NRXN3: variants seen among roughly 807,000 people sequenced by gnomAD.
The protein encoded by NRXN3 is neurexin 3, also known as neurexin III.
A neutral mutation model predicts 137.6 loss-of-function variants in NRXN3; 32 were observed. The ratio of observed to expected loss-of-function variants is 0.23; its 90% CI spans 0.18 to 0.31. The LOEUF is 0.31. NRXN3 is among the 10% of genes least tolerant of loss of function. The pLI is 1.00. For synonymous variants in NRXN3, 798 were observed against 784.5 expected (o/e 1.02, Z -0.29); for missense variants, 1,574 against 2,062.5 (o/e 0.76, Z 4.59).
chr14:78,833,245 A>G (rs1224138684), intron 10 of NRXN3, among the ~76,000 whole-genome samples: 2 of 152,100 alleles, frequency 1.3e-5, no homozygotes, highest in African/African-American at 4.8e-5. Context: ...ACTTTTCACT[A>G]TTGCTTAAGA....
chr14:79,235,942 A>G (rs2073279928), intron 15 of NRXN3, among the ~76,000 whole-genome samples: 1 of 152,146 alleles, frequency 6.6e-6, no homozygotes, highest in Non-Finnish European at 1.5e-5. Context: ...TTGATTCTGT[A>G]GAGAATTAAC....
chr14:79,724,295 A>AT (rs2098866016), intron 19 of NRXN3, among the ~76,000 whole-genome samples: 2 of 152,158 alleles, frequency 1.3e-5, no homozygotes, highest in Non-Finnish European at 2.9e-5. Flanking sequence ...ACTGTGCTAC[A>AT]TTTTTAGTGG....
chr14:79,808,270 A>G (rs1054030389), intron 20 of NRXN3, among the ~76,000 whole-genome samples: 4 of 144,858 alleles, frequency 2.8e-5, no homozygotes, highest in Non-Finnish European at 4.5e-5. Context: ...ATATATATAT[A>G]TATATGTATG....
chr14:78,961,576 C>T (rs1031067310), intron 11 of NRXN3, among the ~76,000 whole-genome samples: 7 of 152,300 alleles, frequency 4.6e-5, no homozygotes, highest in Admixed American at 6.5e-5. Flanking sequence ...TAATAGCGCA[C>T]GGTTTAAGCC....
chr14:78,504,885 C>T (rs1346097825), intron 4 of NRXN3, among the ~76,000 whole-genome samples: 3 of 152,132 alleles, frequency 2.0e-5, no homozygotes, highest in Non-Finnish European at 4.4e-5. Context: ...GCCCGACTTA[C>T]TAGGCCATTC....
chr14:79,346,082 A>G (rs2092863028), intron 15 of NRXN3, among the ~76,000 whole-genome samples: 1 of 152,084 alleles, frequency 6.6e-6, no homozygotes, highest in Admixed American at 6.5e-5. Context: ...TTTTCCTTGT[A>G]CTGGTTTATC....
intron 4 of NRXN3, among the ~76,000 whole-genome samples, chr14:78,456,795 T>TTCTCTCTC: frequency 6.8e-6 from 1 of 147,322 alleles, no homozygotes; most frequent in Non-Finnish European, 1.5e-5. Flanking sequence ...CTCTCTCTCT[T>TTCTCTCTC]TCTCTCTTTC....
Position 79,632,033 on chromosome 14 carries a change from C to G in NRXN3, c.3445-31745C>G, listed in dbSNP as rs556115137. ...GGCCACCTGAGCCAGCAGCGGCATC[C>G]TGGTGGGTCTCCTTCCACACTGTGG... On this transcript the variant is annotated intron_variant, in intron 16 of 20. Transcript: ENST00000335750. Among the ~76,000 whole-genome samples the G allele has an allele frequency of 3.9e-5, 6 of 152,260 alleles. No homozygotes were observed. In the East Asian group the frequency reaches 1.2e-3, roughly 30 times the overall value.
intron 4 of NRXN3, among the ~76,000 whole-genome samples, chr14:78,306,787 G>A (rs980806773): frequency 6.6e-6 from 1 of 152,062 alleles, no homozygotes; most frequent in Non-Finnish European, 1.5e-5. Context: ...TGCTTATTTG[G>A]CATTCAACAA....
intron 19 of NRXN3, among the ~76,000 whole-genome samples, chr14:79,759,880 G>T (rs535208329): frequency 2.0e-5 from 3 of 151,710 alleles, no homozygotes; most frequent in African/African-American, 7.3e-5. Context: ...ACATTTGAAT[G>T]GGGTCACGTG....
intron 15 of NRXN3, among the ~76,000 whole-genome samples, chr14:79,077,132 T>C (rs545563154): frequency 3.7e-4 from 56 of 152,352 alleles, no homozygotes; most frequent in Middle Eastern, 6.8e-3. Context: ...GACCTAGAAT[T>C]ACCTTGGTGG....
intron 4 of NRXN3, among the ~76,000 whole-genome samples, chr14:78,437,760 A>T (rs1239823618): frequency 6.6e-6 from 1 of 152,218 alleles, no homozygotes; most frequent in Admixed American, 6.5e-5. Context: ...AAACTGTTCA[A>T]TTAGACTTTT....
At chr14:78,962,364 G>A (rs1297473646) in intron 11 of NRXN3, among the ~76,000 whole-genome samples, 1 of 152,150 alleles carries the variant, frequency 6.6e-6, no homozygotes, top group Non-Finnish European at 1.5e-5. Flanking sequence ...GGAATTTTCA[G>A]TAGTCTTGGT....
At chr14:79,669,368 G>A (rs2098593257) in intron 17 of NRXN3, among the ~76,000 whole-genome samples, 1 of 152,094 alleles carries the variant, frequency 6.6e-6, no homozygotes. Flanking sequence ...ATCTTATAAA[G>A]AAGGTGCTCC....
At chr14:79,277,201 G>T (rs1447953411) in intron 15 of NRXN3, among the ~76,000 whole-genome samples, 1 of 152,086 alleles carries the variant, frequency 6.6e-6, no homozygotes. Context: ...CAGACAGAAG[G>T]GGCCAACAAT....
intron 10 of NRXN3, among the ~76,000 whole-genome samples, chr14:78,839,130 A>C (rs2152435142): frequency 6.6e-6 from 1 of 152,296 alleles, no homozygotes; most frequent in South Asian, 2.1e-4. Context: ...AAGAGCCATA[A>C]GGGGAAATTT....
chr14:78,609,815 G>A (rs901188583), intron 4 of NRXN3, among the ~76,000 whole-genome samples: 2 of 152,280 alleles, frequency 1.3e-5, no homozygotes, highest in South Asian at 2.1e-4. Context: ...ACAGGCACAA[G>A]TACTAATGGG....
At chr14:79,125,180 T>C (rs563559524) in intron 15 of NRXN3, among the ~76,000 whole-genome samples, 33 of 152,354 alleles carry the variant, frequency 2.2e-4, no homozygotes, top group African/African-American at 7.2e-4. Context: ...ATCTTCTAGA[T>C]CTCGACTCAA....
At chr14:78,884,835 T>C (rs1383125330) in intron 10 of NRXN3, among the ~76,000 whole-genome samples, 1 of 152,116 alleles carries the variant, frequency 6.6e-6, no homozygotes, top group East Asian at 1.9e-4. Context: ...CCTGAAACTC[T>C]CTGGGTCTCA....
Sources: allele counts gnomAD v4.1 joint callset (sites outside exome capture counted in the v4.1 genomes callset), GRCh38; gene constraint gnomAD v4.1.1; transcripts MANE v1.5; gene names NCBI Gene and HGNC (gene_info 2026-07-23, HGNC 2026-07-21).